Variants in ALK observed in about 807,000 individuals in gnomAD.
ALK encodes ALK tyrosine kinase receptor.
A neutral mutation model predicts 163.1 loss-of-function variants in ALK; 74 were observed. The observed-to-expected ratio is 0.45, with a 90% CI of 0.38 to 0.55. The LOEUF (loss-of-function observed/expected upper bound fraction) is 0.55. ALK is among the 20% of genes least tolerant of loss of function. The probability of loss-of-function intolerance (pLI) is 0.00; values close to 1 mark genes in which losing one functional copy is unlikely to be tolerated. For missense variants in ALK, 2,063 were observed against 2,105.3 expected, an observed-to-expected ratio of 0.98 and a Z score of 0.39; for synonymous variants, 960 against 843.2, an observed-to-expected ratio of 1.14 and a Z score of -2.40.
At chr2:29,692,635 G>A (rs1349543839) in intron 3 of ALK, among the ~76,000 whole-genome samples, 1 of 152,224 alleles carries the variant, frequency 6.6e-6, no homozygotes, top group Non-Finnish European at 1.5e-5. Flanking sequence ...TCTGACAGGA[G>A]GCGGAGCTCA....
At position 29,778,530 on chromosome 2, in the gene ALK, T is replaced by C. The variant is rs149315109; in HGVS notation, c.668-60833A>G. 4.1e-4 allele frequency among the ~76,000 whole-genome samples: 63 copies of C among 152,288 alleles called. 1 individual carries two copies. Among genetic ancestry groups the C allele is most frequent in the African/African-American group, 1.4e-3 (60 of 41,554 alleles). On this transcript the variant is annotated intron_variant, in intron 1 of 28. Transcript: ENST00000389048. ...TGCGTGGGTGCAGGCATCGTGTGTG[T>C]ATGTGTGTGTACATACATACACGTG...
intron 1 of ALK, among the ~76,000 whole-genome samples, chr2:29,876,654 G>A (rs528360204): frequency 2.9e-4 from 44 of 149,428 alleles, no homozygotes; most frequent in African/African-American, 6.7e-4. Context: ...TGATGGTGAC[G>A]GCGATGGTGG....
At chr2:29,582,314 A>G (rs184751001) in intron 3 of ALK, among the ~76,000 whole-genome samples, 3 of 152,296 alleles carry the variant, frequency 2.0e-5, no homozygotes, top group East Asian at 1.9e-4. Flanking sequence ...TCCTACAAGA[A>G]TGGGTATCTC....
intron 8 of ALK, among the ~76,000 whole-genome samples, chr2:29,298,410 C>G (rs1666264727): frequency 6.6e-6 from 1 of 152,208 alleles, no homozygotes; most frequent in South Asian, 2.1e-4. Flanking sequence ...ACTGTAAACC[C>G]TTTCAGCTCT....
At chr2:29,840,937 G>T (rs938146457) in intron 1 of ALK, among the ~76,000 whole-genome samples, 3 of 152,084 alleles carry the variant, frequency 2.0e-5, no homozygotes, top group African/African-American at 7.2e-5. Context: ...TTTAGATACG[G>T]CTACTGTTAT....
intron 1 of ALK, among the ~76,000 whole-genome samples, chr2:29,855,318 T>C (rs1666112045): frequency 6.6e-6 from 1 of 152,174 alleles, no homozygotes; most frequent in South Asian, 2.1e-4. Flanking sequence ...TGAGTCAGAA[T>C]GAATCTTGGG....
At chr2:29,574,342 T>C (rs1483068979) in intron 3 of ALK, among the ~76,000 whole-genome samples, 2 of 152,230 alleles carry the variant, frequency 1.3e-5, no homozygotes, top group Non-Finnish European at 2.9e-5. Context: ...AAGAAGGCTC[T>C]TTCTAAACCG....
intron 1 of ALK, among the ~76,000 whole-genome samples, chr2:29,876,831 A>G (rs1255048465): frequency 6.6e-6 from 1 of 151,718 alleles, no homozygotes; most frequent in Non-Finnish European, 1.5e-5. Context: ...GAAGGTGAAG[A>G]TGACAATAAT....
rs1331113285 is a variant in ALK, at chr2:29,828,923, C to T, written c.667+91070G>A. On this transcript the variant is annotated intron_variant, in intron 1 of 28. Transcript: ENST00000389048. Reference sequence around the variant, plus strand: ...AAGACTTGGAACCAAGCCAAATGTCCAACAATGATAGACTGGATTAAGAAA... The same window carrying T: ...AAGACTTGGAACCAAGCCAAATGTCTAACAATGATAGACTGGATTAAGAAA... Among the ~76,000 whole-genome samples the T allele has an allele frequency of 4.6e-5, 7 of 151,898 alleles. No homozygotes were observed. In the South Asian group the frequency reaches 1.0e-3, roughly 23 times the overall value.
At chr2:29,325,006 G>A (rs1001680856) in intron 6 of ALK, among the ~76,000 whole-genome samples, 5 of 152,228 alleles carry the variant, frequency 3.3e-5, no homozygotes, top group African/African-American at 1.2e-4. Context: ...GTTGCCCAGA[G>A]TGAGTCTGAT....
chr2:29,626,671 C>T (rs1262825853), intron 3 of ALK, among the ~76,000 whole-genome samples: 1 of 152,158 alleles, frequency 6.6e-6, no homozygotes, highest in Non-Finnish European at 1.5e-5. Flanking sequence ...GACACAGTGA[C>T]AAGGTGGCCA....
At chr2:29,308,503 G>A (rs1482776095) in intron 8 of ALK, among the ~76,000 whole-genome samples, 1 of 152,254 alleles carries the variant, frequency 6.6e-6, no homozygotes, top group East Asian at 1.9e-4. Flanking sequence ...ACCCACTTCA[G>A]GGAGAATCAA....
chr2:29,452,332 G>GTTTTTT (rs66533654), intron 4 of ALK, among the ~76,000 whole-genome samples: 10 of 146,182 alleles, frequency 6.8e-5, no homozygotes, highest in East Asian at 2.0e-4. Context: ...AGTTTTTTTT[G>GTTTTTT]TTTTTTTTTT....
intron 23 of ALK, among the ~76,000 whole-genome samples, chr2:29,217,136 G>T (rs1381752750): frequency 1.4e-5 from 2 of 140,750 alleles, no homozygotes; most frequent in African/African-American, 6.2e-5. Context: ...TGTGGTGTGT[G>T]TGTGTGTGTG....
At chr2:29,421,457 T>C (rs545213981) in intron 4 of ALK, among the ~76,000 whole-genome samples, 2 of 151,552 alleles carry the variant, frequency 1.3e-5, no homozygotes, top group African/African-American at 2.4e-5. Context: ...GCTGAGAACA[T>C]TGAGAGGAAT....
chr2:29,583,362 T>C (rs941901657), intron 3 of ALK, among the ~76,000 whole-genome samples: 1 of 152,170 alleles, frequency 6.6e-6, no homozygotes, highest in Non-Finnish European at 1.5e-5. Flanking sequence ...GTCATACAGA[T>C]ACCAGATGAT....
chr2:29,282,611 T>C (rs1191544436), intron 9 of ALK, among the ~76,000 whole-genome samples: 1 of 152,034 alleles, frequency 6.6e-6, no homozygotes, highest in Non-Finnish European at 1.5e-5. Context: ...TGCCTTGGTT[T>C]CCCCTCTAGG....
intron 4 of ALK, among the ~76,000 whole-genome samples, chr2:29,387,273 C>G (rs1669054246): frequency 6.6e-6 from 1 of 152,224 alleles, no homozygotes; most frequent in Non-Finnish European, 1.5e-5. Flanking sequence ...AGGCACTTCT[C>G]TCCAAAAATG....
chr2:29,260,847 AAC>A (rs1353788796), intron 11 of ALK, among the ~76,000 whole-genome samples: 1 of 63,948 alleles, frequency 1.6e-5, no homozygotes, highest in African/African-American at 3.7e-5. Flanking sequence ...AACAAAACAA[AAC>A]AAAAAAAAAA....
Sources: gnomAD v4.1 joint callset for allele counts (sites outside exome capture counted in the v4.1 genomes callset) on GRCh38, gnomAD v4.1.1 for gene constraint, MANE v1.5 for transcripts, NCBI Gene and HGNC (gene_info 2026-07-23, HGNC 2026-07-21) for gene names.